Variants in DIS3L observed in about 807,000 individuals in gnomAD.
The protein encoded by DIS3L is DIS3-like exonuclease 1.
Under a neutral mutation model 120.3 loss-of-function variants are expected in DIS3L, and 100 were observed. The observed-to-expected ratio is 0.83, with a 90% CI of 0.71 to 0.98. The LOEUF is 0.98. DIS3L is among the 50% of genes least tolerant of loss of function. The pLI, the probability that DIS3L is intolerant of heterozygous loss-of-function variation, is 0.00. For synonymous variants in DIS3L, 426 were observed against 470.6 expected (o/e 0.91, Z 1.23); for missense variants, 1,196 against 1,314.2 (o/e 0.91, Z 1.39).
Position 66,293,706 on chromosome 15 carries a change from T to TCTGCCCGCAGCCCGCC in DIS3L, c.111_126dup (p.Ala43LeufsTer16), listed in dbSNP as rs2092548340. ...CCCTGCGTGCCCTGCCACAGCCCGC[T>TCTGCCCGCAGCCCGCC]CTGCCCGCAGCCCGCCGCCTGCAGC... On this transcript the variant is annotated frameshift_variant, in exon 1 of 17. Coordinates refer to ENST00000319212, the MANE Select transcript of DIS3L (RefSeq NM_001143688.3). LOFTEE classifies it high-confidence loss of function. The TCTGCCCGCAGCCCGCC allele has an allele frequency of 3.0e-6, 4 of 1,352,272 alleles. No homozygotes were observed. The highest frequency in any genetic ancestry group is 3.8e-6 in the Non-Finnish European group (4 of 1,045,940). 83.8% of individuals were successfully genotyped at this position (1,352,272 alleles called of 1,614,324 possible). A position where few individuals can be genotyped will look rare whatever the true frequency, so the allele number is the denominator to read the frequency against.
chr15:66,317,335 A>G (rs2092828108), intron 7 of DIS3L, among the ~76,000 whole-genome samples: 1 of 147,086 alleles, frequency 6.8e-6, no homozygotes, highest in South Asian at 2.2e-4. Flanking sequence ...AGCTCAGTAA[A>G]TATTTGTGGG....
chr15:66,316,118 C>A (rs1376403110), intron 7 of DIS3L, among the ~76,000 whole-genome samples: 1 of 152,134 alleles, frequency 6.6e-6, no homozygotes, highest in Non-Finnish European at 1.5e-5. Context: ...TCCTTGGCTT[C>A]CAGTTTTGTT....
At chr15:66,313,760 T>C (rs564836088) in intron 5 of DIS3L, among the ~76,000 whole-genome samples, 3 of 126,692 alleles carry the variant, frequency 2.4e-5, no homozygotes, top group Non-Finnish European at 5.7e-5. Flanking sequence ...TGTATATGTG[T>C]GTGTGTGTGT....
chr15:66,302,201 C>T (rs559515863), intron 2 of DIS3L, among the ~76,000 whole-genome samples: 1 of 151,462 alleles, frequency 6.6e-6, no homozygotes, highest in Non-Finnish European at 1.5e-5. Context: ...TGTCTCAATA[C>T]AAAAAAAACC....
chr15:66,326,001 T>A lies in DIS3L; in HGVS notation c.1838T>A (p.Leu613Ter). Residue 613 changes from leucine to a stop codon, truncating the protein, a stop_gained, in exon 12 of 17, where the codon TTG (leucine) becomes TAG (stop). Coordinates refer to ENST00000319212, the MANE Select transcript of DIS3L (RefSeq NM_001143688.3). LOFTEE classifies it high-confidence loss of function. ...GATGATATTCCAGAATTCAAAGACT[T>A]GGATGAGAAGAGCAGACAAGCCAAG... ...VVDDIPEFKD[L>*]DEKSRQAKLE... 2 of 1,614,042 alleles carry A rather than the reference T, an allele frequency of 1.2e-6. No individual in the cohort carries two copies. The highest frequency in any genetic ancestry group is 1.7e-6 in the Non-Finnish European group (2 of 1,180,016).
At chr15:66,331,701 G>T in intron 14 of DIS3L, 174 bp from the exon 15 acceptor site, 1 of 562,816 alleles carries the variant, frequency 1.8e-6, no homozygotes, top group East Asian at 3.5e-5. Flanking sequence ...AGACATTTTT[G>T]AGGAGATAAT....
At chr15:66,306,018 C>T (rs2092699282) in intron 2 of DIS3L, among the ~76,000 whole-genome samples, 1 of 152,162 alleles carries the variant, frequency 6.6e-6, no homozygotes, top group South Asian at 2.1e-4. Context: ...GAGACAAGGT[C>T]TCACTGTGTA....
chr15:66,305,463 G>C (rs1333585312), intron 2 of DIS3L, among the ~76,000 whole-genome samples: 1 of 151,892 alleles, frequency 6.6e-6, no homozygotes. Context: ...TGGAAGGAAG[G>C]GTACAAATGT....
At chr15:66,303,888 G>C (rs376046143) in intron 2 of DIS3L, among the ~76,000 whole-genome samples, 10 of 150,660 alleles carry the variant, frequency 6.6e-5, no homozygotes, top group Non-Finnish European at 1.5e-4. Context: ...TCAGGAGATC[G>C]AGACCATCCT....
intron 3 of DIS3L, 96 bp downstream of exon 3, chr15:66,307,048 C>A: frequency 6.8e-7 from 1 of 1,471,706 alleles, no homozygotes; most frequent in Non-Finnish European, 9.2e-7. Flanking sequence ...TCTGCTAGAA[C>A]AAACCAACAA....
At chr15:66,315,663 T>TA (rs1207325490) in intron 7 of DIS3L, among the ~76,000 whole-genome samples, 2 of 152,230 alleles carry the variant, frequency 1.3e-5, no homozygotes, top group Non-Finnish European at 2.9e-5. Flanking sequence ...GCTTCCATCT[T>TA]AAAATCAAAC....
chr15:66,298,256 A>C (rs2092611034), intron 2 of DIS3L, among the ~76,000 whole-genome samples: 1 of 151,232 alleles, frequency 6.6e-6, no homozygotes, highest in East Asian at 1.9e-4. Context: ...AGGTCACATG[A>C]TCTAACTCCC....
rs778758373 is a variant in DIS3L, at chr15:66,331,986, A to T, written c.2647A>T (p.Ile883Phe). The stretch of plus-strand genomic sequence containing the variant: ...CATATCTGACGGAGTTATTTATTCA[A>T]TTAGAACAAATGGTGTGCTTCTATT... ...RCISDGVIYS[I>F]RTNGVLLFIP... Residue 883 changes from isoleucine (I) to phenylalanine (F), a missense_variant, in exon 15 of 17, where the codon ATT becomes TTT. Transcript: ENST00000319212. 8 of 1,612,274 alleles carry T rather than the reference A, an allele frequency of 5.0e-6. No homozygotes were observed. The highest frequency in any genetic ancestry group is 6.8e-6 in the Non-Finnish European group (8 of 1,179,570).
chr15:66,319,140 G>T (rs1406217602), intron 8 of DIS3L, among the ~76,000 whole-genome samples: 1 of 152,016 alleles, frequency 6.6e-6, no homozygotes, highest in Non-Finnish European at 1.5e-5. Flanking sequence ...GTCTCACTTT[G>T]TTGCACACGC....
chr15:66,311,642 T>C (rs1262165548), intron 4 of DIS3L, 82 bp from the exon 5 acceptor site: 1 of 1,535,698 alleles, frequency 6.5e-7, no homozygotes, highest in South Asian at 1.1e-5. Context: ...CAGCAATTCC[T>C]AGTCAGGAGT....
intron 12 of DIS3L, among the ~76,000 whole-genome samples, chr15:66,327,467 G>A (rs2092950507): frequency 6.6e-6 from 1 of 152,042 alleles, no homozygotes; most frequent in Admixed American, 6.6e-5. Flanking sequence ...TAAAAACCAA[G>A]TATAGGCAGG....
At chr15:66,326,466 A>G (rs563094648) in intron 12 of DIS3L, 102 bp downstream of exon 12, 943 of 1,272,226 alleles carry the variant, frequency 7.4e-4, no homozygotes, top group Non-Finnish European at 8.4e-4. Flanking sequence ...TTGACCAAAA[A>G]GAGAAAACAG....
chr15:66,325,909 T>G lies in DIS3L; in HGVS notation c.1746T>G (p.Ile582Met). Residue 582 changes from isoleucine (I) to methionine (M), a missense_variant, in exon 12 of 17, where the codon ATT becomes ATG. Coordinates refer to ENST00000319212, the MANE Select transcript of DIS3L (RefSeq NM_001143688.3). ...IKKVWYGRTI[I>M]RSAYKLFYEA... The stretch of plus-strand genomic sequence containing the variant: ...AAGTGTGGTATGGCAGAACCATTAT[T>G]CGATCAGCATACAAACTGTTCTATG... 6.2e-7 allele frequency: 1 copy of G among 1,614,174 alleles called. No individual in the cohort carries two copies.
intron 8 of DIS3L, among the ~76,000 whole-genome samples, chr15:66,319,502 A>T (rs1302751120): frequency 6.6e-6 from 1 of 152,216 alleles, no homozygotes; most frequent in Non-Finnish European, 1.5e-5. Context: ...CACAGAATTG[A>T]TTATCCATAA....
Sources: gnomAD v4.1 joint callset for allele counts (sites outside exome capture counted in the v4.1 genomes callset) on GRCh38, gnomAD v4.1.1 for gene constraint, MANE v1.5 for transcripts, NCBI Gene and HGNC (gene_info 2026-07-23, HGNC 2026-07-21) for gene names.